Variants in RHEB observed in about 807,000 individuals in gnomAD.
The protein encoded by RHEB is Ras homolog, mTORC1 binding, also known as GTP-binding protein Rheb.
A neutral mutation model predicts 28.8 loss-of-function variants in RHEB; 2 were observed. The observed-to-expected ratio is 0.07, with a 90% CI of 0.03 to 0.22. The LOEUF (loss-of-function observed/expected upper bound fraction) is 0.22, where lower values mean the gene tolerates loss of function less well. RHEB is among the 10% of genes least tolerant of loss of function. The probability of loss-of-function intolerance (pLI) is 1.00; values close to 1 mark genes in which losing one functional copy is unlikely to be tolerated. For synonymous variants in RHEB, 69 were observed against 77.3 expected (o/e 0.89, Z 0.56); for missense variants, 76 against 219.9 (o/e 0.35, Z 4.14).
intron 1 of RHEB, among the ~76,000 whole-genome samples, chr7:151,508,962 C>T (rs1231188659): frequency 6.6e-6 from 1 of 152,148 alleles, no homozygotes; most frequent in East Asian, 1.9e-4. Context: ...TAGGACACTG[C>T]TCATACAGAA....
chr7:151,498,703 C>T (rs1207049025), intron 1 of RHEB, among the ~76,000 whole-genome samples: 4 of 152,184 alleles, frequency 2.6e-5, no homozygotes. Flanking sequence ...GATGACATTC[C>T]CGCAGAACAG....
chr7:151,502,206 A>G, intron 1 of RHEB: 2 of 471,744 alleles, frequency 4.2e-6, no homozygotes, highest in Admixed American at 7.6e-5. Flanking sequence ...ACTGTACTCC[A>G]GCCTGGGCGA....
At chr7:151,467,415 C>T (rs544300269) in intron 7 of RHEB, among the ~76,000 whole-genome samples, 9 of 152,210 alleles carry the variant, frequency 5.9e-5, no homozygotes, top group African/African-American at 2.2e-4. Context: ...TAACCAGCCT[C>T]CGATTGTGCT....
intron 2 of RHEB, among the ~76,000 whole-genome samples, chr7:151,487,802 C>T (rs950925974): frequency 1.3e-5 from 2 of 152,156 alleles, no homozygotes; most frequent in African/African-American, 4.8e-5. Flanking sequence ...TTTGAATCAC[C>T]AGAGAATCCA....
At chr7:151,502,939 A>G in intron 1 of RHEB, 1 of 787,686 alleles carries the variant, frequency 1.3e-6, no homozygotes, top group Non-Finnish European at 2.3e-6. Context: ...ATGGTGGTGA[A>G]AATGGATTCA....
At chr7:151,517,766 G>C (rs1246613719) in intron 1 of RHEB, 1 of 151,904 alleles carries the variant, frequency 6.6e-6, no homozygotes, top group Admixed American at 6.6e-5. Context: ...CATTTGAAAA[G>C]GGTAAATCAG....
At chr7:151,512,736 C>T (rs921099958) in intron 1 of RHEB, among the ~76,000 whole-genome samples, 2 of 152,208 alleles carry the variant, frequency 1.3e-5, no homozygotes, top group Admixed American at 6.5e-5. Flanking sequence ...CGATTTTGCA[C>T]AGCAGTGAAC....
At chr7:151,477,078 CT>C (rs1251787120) in intron 4 of RHEB, among the ~76,000 whole-genome samples, 1 of 151,994 alleles carries the variant, frequency 6.6e-6, no homozygotes, top group Non-Finnish European at 1.5e-5. Flanking sequence ...AGCAGAAAAG[CT>C]TAGATCATGC....
chr7:151,515,900 T>C (rs551822617), intron 1 of RHEB, among the ~76,000 whole-genome samples: 3 of 152,362 alleles, frequency 2.0e-5, no homozygotes, highest in East Asian at 1.9e-4. Context: ...ATCCCTCTTA[T>C]TAACTGTATG....
chr7:151,483,517 A>C (rs11761360), intron 3 of RHEB, among the ~76,000 whole-genome samples: 1 of 152,072 alleles, frequency 6.6e-6, no homozygotes, highest in South Asian at 2.1e-4. Context: ...TCAGGAGTTC[A>C]AGACCAGCCA....
At chr7:151,479,400 A>G (rs910969678) in intron 3 of RHEB, among the ~76,000 whole-genome samples, 2 of 152,138 alleles carry the variant, frequency 1.3e-5, no homozygotes, top group Non-Finnish European at 2.9e-5. Flanking sequence ...AAGATTAATA[A>G]GGCCGGGCAC....
At chr7:151,488,894 G>A (rs1364736900) in intron 2 of RHEB, among the ~76,000 whole-genome samples, 2 of 152,214 alleles carry the variant, frequency 1.3e-5, no homozygotes, top group Non-Finnish European at 2.9e-5. Flanking sequence ...CTAAGAAAAT[G>A]TATGTATATA....
intron 3 of RHEB, among the ~76,000 whole-genome samples, chr7:151,484,183 T>C (rs535765153): frequency 6.6e-6 from 1 of 152,334 alleles, no homozygotes; most frequent in South Asian, 2.1e-4. Flanking sequence ...TTCTGCCCTA[T>C]GCCCCTCTTA....
At chr7:151,493,367 A>ATGTT (rs1802618735) in intron 1 of RHEB, among the ~76,000 whole-genome samples, 1 of 152,120 alleles carries the variant, frequency 6.6e-6, no homozygotes, top group South Asian at 2.1e-4. Flanking sequence ...CTGAGCTCAA[A>ATGTT]TGTTAGTTTC....
chr7:151,485,712 G>A (rs537073578), intron 2 of RHEB, among the ~76,000 whole-genome samples: 17 of 152,298 alleles, frequency 1.1e-4, no homozygotes, highest in African/African-American at 2.9e-4. Flanking sequence ...GAAATTATGT[G>A]AGAAAACTCT....
chr7:151,505,150 C>T (rs1392565573), intron 1 of RHEB, among the ~76,000 whole-genome samples: 4 of 138,176 alleles, frequency 2.9e-5, no homozygotes, highest in Admixed American at 7.5e-5. Context: ...ATTCCTGACA[C>T]GATACAAAAT....
intron 4 of RHEB, among the ~76,000 whole-genome samples, chr7:151,476,241 A>G (rs1325122684): frequency 6.6e-6 from 1 of 152,216 alleles, no homozygotes; most frequent in Non-Finnish European, 1.5e-5. Context: ...CTGAATTTTC[A>G]CTGGCAGTGG....
At chr7:151,489,227 C>T (rs892382843) in intron 2 of RHEB, among the ~76,000 whole-genome samples, 4 of 152,184 alleles carry the variant, frequency 2.6e-5, no homozygotes, top group Admixed American at 2.0e-4. Context: ...TTTCAAGGAT[C>T]TAAAATCCTA....
At chr7:151,469,183 C>T (rs1428351372) in intron 7 of RHEB, among the ~76,000 whole-genome samples, 2 of 152,126 alleles carry the variant, frequency 1.3e-5, no homozygotes, top group African/African-American at 2.4e-5. Flanking sequence ...TTTTTTCATC[C>T]GCACATAAGA....
Sources: gnomAD v4.1 joint callset for allele counts (sites outside exome capture counted in the v4.1 genomes callset) on GRCh38, gnomAD v4.1.1 for gene constraint, MANE v1.5 for transcripts, NCBI Gene and HGNC (gene_info 2026-07-23, HGNC 2026-07-21) for gene names.